Variants in WNT10A observed in about 807,000 individuals in gnomAD.
WNT10A encodes Wnt family member 10A.
In WNT10A, 37 loss-of-function variants were observed where a neutral mutation model predicts 36.1. The observed-to-expected ratio is 1.02, with a 90% CI of 0.79 to 1.35. The LOEUF (loss-of-function observed/expected upper bound fraction) is 1.35. WNT10A is among the 40% of genes most tolerant of loss of function. The pLI, the probability that WNT10A is intolerant of heterozygous loss-of-function variation, is 0.00. For missense variants in WNT10A, 613 were observed against 601.4 expected (o/e 1.02, Z -0.20); for synonymous variants, 255 against 254.1 (o/e 1.00, Z -0.03).
At chr2:218,879,912 C>T (rs1248589960), upstream of WNT10A, among the ~76,000 whole-genome samples, 1 of 152,214 alleles carries the variant, frequency 6.6e-6, no homozygotes, top group Non-Finnish European at 1.5e-5. Flanking sequence ...GGCGCTCCTA[C>T]GCAAGCATTT....
intron 3 of WNT10A, 136 bp from the exon 4 acceptor site, chr2:218,892,638 T>C (rs769311402): frequency 2.2e-4 from 305 of 1,391,512 alleles, no homozygotes; most frequent in Non-Finnish European, 2.8e-4. Flanking sequence ...GACTGCCTGG[T>C]TGTGGGACCC....
In WNT10A at chr2:218,892,961, C is replaced by A. The variant is rs1944673171; in HGVS notation, c.944C>A (p.Ala315Glu). 6.9e-7 allele frequency: 1 copy of A among 1,438,922 alleles called. No individual in the cohort carries two copies. The highest frequency in any genetic ancestry group is 9.1e-7 in the Non-Finnish European group (1 of 1,103,142). 89.1% of individuals were successfully genotyped at this position (1,438,922 alleles called of 1,614,324 possible). The change falls in exon 4 of 4, where the codon GCG becomes GAG. Residue 315 changes from alanine to glutamate, a missense_variant. Coordinates refer to ENST00000258411, the MANE Select transcript of WNT10A (RefSeq NM_025216.3). ...GGCGGCCAGCTGGAGCCGGGCCCAG[C>A]GGGGGCACCCTCGCCGGCTCCGGGC... is the stretch of plus-strand genomic sequence containing the variant. ...RNGGQLEPGP[A>E]GAPSPAPGAP... is the part of the protein sequence containing the mutation.
intron 2 of WNT10A, among the ~76,000 whole-genome samples, chr2:218,884,996 A>G (rs1472346949): frequency 3.9e-5 from 6 of 152,146 alleles, no homozygotes; most frequent in Admixed American, 2.6e-4. Context: ...TGCTGTTACT[A>G]TCACCTAATT....
chr2:218,879,678 A>G (rs1177412795), upstream of WNT10A, among the ~76,000 whole-genome samples: 1 of 152,218 alleles, frequency 6.6e-6, no homozygotes, highest in African/African-American at 2.4e-5. Context: ...GACTGAGAGT[A>G]TCTGCGGGCA....
chr2:218,876,287 A>AG (rs746277569), upstream of WNT10A, among the ~76,000 whole-genome samples: 14 of 152,188 alleles, frequency 9.2e-5, no homozygotes, highest in Admixed American at 2.0e-4. Flanking sequence ...CTAGAACCAC[A>AG]GGGGGGTGGG....
At chr2:218,890,633 G>A (rs1467988787) in intron 3 of WNT10A, among the ~76,000 whole-genome samples, 1 of 152,066 alleles carries the variant, frequency 6.6e-6, no homozygotes, top group Non-Finnish European at 1.5e-5. Context: ...CTACTTCCTC[G>A]GGTGATCACC....
Position 218,893,452 on chromosome 2 carries a change from G to GA in WNT10A, c.*183dup. 2 of 823,456 alleles carry GA rather than the reference G, an allele frequency of 2.4e-6. No homozygotes were observed. Among genetic ancestry groups the GA allele is most frequent in the Non-Finnish European group, 3.6e-6 (2 of 554,286 alleles). The allele number at this position is 823,456 out of a possible 1,614,324, so 51.0% of individuals were successfully genotyped here. A position where few individuals can be genotyped will look rare whatever the true frequency, so the allele number is the denominator to read the frequency against. On this transcript the variant is annotated 3_prime_UTR_variant, in exon 4 of 4. Coordinates refer to ENST00000258411, the MANE Select transcript of WNT10A (RefSeq NM_025216.3). The surrounding 1 kb of genome is among the most constrained non-coding windows in gnomAD (Gnocchi z 6.3). Reference sequence around the variant, plus strand: ...ATCGCCGGACAGTCCAGGCCTGTCTGAACCCCACCACTCACTTCTGTGGGC... The same window carrying GA: ...ATCGCCGGACAGTCCAGGCCTGTCTGAAACCCCACCACTCACTTCTGTGGGC...
At chr2:218,887,888 A>C (rs73084766) in intron 2 of WNT10A, among the ~76,000 whole-genome samples, 26 of 152,370 alleles carry the variant, frequency 1.7e-4, no homozygotes, top group African/African-American at 5.5e-4. Context: ...GGCAGATAAT[A>C]GCTCTATTTT....
At chr2:218,890,437 T>C in intron 3 of WNT10A, 74 bp downstream of exon 3, 1 of 1,591,734 alleles carries the variant, frequency 6.3e-7, no homozygotes, top group Non-Finnish European at 8.5e-7. Context: ...CCTACCTCTC[T>C]TCTGAGGACC....
intron 2 of WNT10A, among the ~76,000 whole-genome samples, chr2:218,886,130 A>G (rs1051954253): frequency 2.0e-5 from 3 of 152,318 alleles, no homozygotes; most frequent in African/African-American, 7.2e-5. Context: ...GAAGGCCAAC[A>G]CTAAGTCCCG....
rs375819091 is a variant in WNT10A at position 218,890,073 on chromosome 2, G to T, written c.466G>T (p.Ala156Ser). 8.1e-6 allele frequency: 13 copies of T among 1,614,016 alleles called. No homozygotes were observed. Among genetic ancestry groups the T allele is most frequent in the East Asian group, 2.2e-5 (1 of 44,892 alleles). Reference sequence around the variant, plus strand: ...TGCGTGTGCCCTGGGCAAACTGAAGGCCTGTGGCTGTGATGCGTCCCGGCG... The same window carrying T: ...TGCGTGTGCCCTGGGCAAACTGAAGTCCTGTGGCTGTGATGCGTCCCGGCG... ...SNACALGKLK[A>S]CGCDASRRGD... Residue 156 changes from alanine (A) to serine (S), a missense_variant, in exon 3 of 4, where the codon GCC (alanine) becomes TCC (serine). Ala to Ser is a moderately conservative substitution (Grantham distance 99). Coordinates refer to ENST00000258411, the MANE Select transcript of WNT10A (RefSeq NM_025216.3).
At position 218,892,906 on chromosome 2, in the gene WNT10A, G is replaced by T; in HGVS notation, c.889G>T (p.Ala297Ser). ...GCTGCTGCGCAGCCGCTTCCACCGC[G>T]CCACGCTCATCCGGCCGCACAACCG... Reference protein sequence around the residue: ...GALLRSRFHRATLIRPHNRNG... With the variant: ...GALLRSRFHRSTLIRPHNRNG... Residue 297 changes from alanine to serine, a missense_variant, in exon 4 of 4, where the codon GCC becomes TCC. Transcript: ENST00000258411. 2.6e-6 allele frequency: 4 copies of T among 1,535,848 alleles called. No homozygotes were observed. The highest frequency in any genetic ancestry group is 3.5e-6 in the Non-Finnish European group (4 of 1,144,478).
At chr2:218,882,879 T>C (rs1176983074) in intron 2 of WNT10A, among the ~76,000 whole-genome samples, 1 of 152,200 alleles carries the variant, frequency 6.6e-6, no homozygotes, top group Non-Finnish European at 1.5e-5. Context: ...GTAAAAAGTC[T>C]GCCCTTCTGC....
At chr2:218,880,740 AT>A (rs1364836969), upstream of WNT10A, 18 of 435,506 alleles carry the variant, frequency 4.1e-5, no homozygotes, top group Non-Finnish European at 6.9e-5. The surrounding 1 kb of genome is among the most constrained non-coding windows in gnomAD (Gnocchi z 7.7). Flanking sequence ...GCCTCGGGAA[AT>A]TCCCCGGACC....
At chr2:218,881,962 A>G (rs912269976) in intron 1 of WNT10A, among the ~76,000 whole-genome samples, 199 bp from the exon 2 acceptor site, 4 of 152,082 alleles carry the variant, frequency 2.6e-5, no homozygotes, top group Admixed American at 2.6e-4. Flanking sequence ...CAGCTAGCTG[A>G]GTGAGTTGCA....
chr2:218,880,877 G>C lies in WNT10A; in HGVS notation c.-119G>C. 1 of 1,284,512 alleles carries C rather than the reference G, an allele frequency of 7.8e-7. No homozygotes were observed. Among genetic ancestry groups the C allele is most frequent in the Non-Finnish European group, 1.0e-6 (1 of 972,114 alleles). 79.6% of individuals were successfully genotyped at this position (1,284,512 alleles called of 1,614,324 possible). A position where few individuals can be genotyped will look rare whatever the true frequency, so the allele number is the denominator to read the frequency against. ...GTCTGCTCCGGGAGCCCTGACCCGA[G>C]TCGGAGCTGTGTGTCGCAGCCGCCC... On this transcript the variant is annotated 5_prime_UTR_variant, in exon 1 of 4. Transcript: ENST00000258411. This position sits in a 1 kb window ranked among gnomAD's most constrained non-coding sequence, Gnocchi z 7.7.
intron 2 of WNT10A, among the ~76,000 whole-genome samples, chr2:218,888,007 G>T (rs1281078448): frequency 6.6e-6 from 1 of 152,196 alleles, no homozygotes; most frequent in Non-Finnish European, 1.5e-5. Flanking sequence ...ACTGGTTTCA[G>T]GAATTAGTTC....
At chr2:218,886,816 G>A (rs1944583765) in intron 2 of WNT10A, among the ~76,000 whole-genome samples, 2 of 152,244 alleles carry the variant, frequency 1.3e-5, no homozygotes, top group Admixed American at 1.3e-4. Flanking sequence ...TATGAGGCCT[G>A]GATACTTGCA....
At chr2:218,879,074 C>A (rs1230695928), upstream of WNT10A, among the ~76,000 whole-genome samples, 2 of 151,474 alleles carry the variant, frequency 1.3e-5, no homozygotes, top group Admixed American at 1.3e-4. Context: ...TGCTCCCCCC[C>A]CACTGCCCCA....
Sources: allele counts gnomAD v4.1 joint callset (sites outside exome capture counted in the v4.1 genomes callset), GRCh38; gene constraint gnomAD v4.1.1; non-coding constraint Gnocchi (gnomAD v3.1); transcripts MANE v1.5; gene names NCBI Gene and HGNC (gene_info 2026-07-23, HGNC 2026-07-21).